The following ABCA1 variants were observed in gnomAD, a reference collection of about 807,000 sequenced individuals.
ABCA1 encodes phospholipid-transporting ATPase ABCA1.
In ABCA1, 133 loss-of-function variants were observed where a neutral mutation model predicts 262.5. That is an observed-to-expected ratio of 0.51 (90% CI 0.44 to 0.59). The LOEUF is 0.59. Among genes scored for constraint, ABCA1 ranks in the 20% least tolerant of loss-of-function variants. ABCA1 has a pLI of 0.00. For synonymous variants in ABCA1, 1,022 were observed against 1,043.5 expected (o/e 0.98, Z 0.40); for missense variants, 2,452 against 2,777.5 (o/e 0.88, Z 2.63).
At chr9:104,848,738 T>C (rs560503980) in intron 7 of ABCA1, among the ~76,000 whole-genome samples, 2 of 152,238 alleles carry the variant, frequency 1.3e-5, no homozygotes, top group Admixed American at 6.5e-5. Context: ...ACCAGCACCA[T>C]GTTCACAAAG....
chr9:104,832,434 C>G (rs1243639484), intron 12 of ABCA1, 140 bp downstream of exon 12: 7 of 912,996 alleles, frequency 7.7e-6, no homozygotes, highest in Non-Finnish European at 1.7e-6. Flanking sequence ...GTTATCAAAT[C>G]CTGTGTTAGG....
At chr9:104,870,566 T>A (rs1837511592) in intron 5 of ABCA1, among the ~76,000 whole-genome samples, 1 of 152,198 alleles carries the variant, frequency 6.6e-6, no homozygotes, top group Non-Finnish European at 1.5e-5. Context: ...TCATCACCAA[T>A]GTGACAGTAT....
In ABCA1 at chr9:104,784,265, G is replaced by A. The variant is rs1008859316; in HGVS notation, c.*50C>T. The A allele has an allele frequency of 1.1e-5, 18 of 1,611,734 alleles. No homozygotes were observed. The highest frequency in any genetic ancestry group is 1.7e-5 in the Admixed American group (1 of 59,980). ...CCACAACACTTCACATGGTGCAAAG[G>A]AAAGTCTAGTTCCTCTTTACTTTCA... On this transcript the variant is annotated 3_prime_UTR_variant, in exon 50 of 50. Coordinates refer to ENST00000374736, the MANE Select transcript of ABCA1 (RefSeq NM_005502.4).
At chr9:104,789,162 C>A (rs1264005386) in intron 44 of ABCA1, among the ~76,000 whole-genome samples, 1 of 152,210 alleles carries the variant, frequency 6.6e-6, no homozygotes, top group African/African-American at 2.4e-5. Flanking sequence ...TCATTCCTCT[C>A]TGTGTATCTA....
chr9:104,871,605 A>G (rs1481630281), intron 5 of ABCA1, among the ~76,000 whole-genome samples: 1 of 152,296 alleles, frequency 6.6e-6, no homozygotes, highest in East Asian at 1.9e-4. Context: ...ACCTGAACAG[A>G]ATGAGAAGAA....
chr9:104,836,262 A>G (rs1338482349), intron 11 of ABCA1, among the ~76,000 whole-genome samples: 1 of 152,232 alleles, frequency 6.6e-6, no homozygotes, highest in Admixed American at 6.5e-5. Flanking sequence ...ATAAGGTTCA[A>G]AACAAGAAAC....
chr9:104,838,782 G>C (rs1474065875), intron 9 of ABCA1, among the ~76,000 whole-genome samples: 1 of 151,790 alleles, frequency 6.6e-6, no homozygotes, highest in Non-Finnish European at 1.5e-5. Flanking sequence ...TAGATACCAA[G>C]TATCTTCTAT....
chr9:104,824,714 G>A lies in ABCA1; in HGVS notation c.2543-136C>T. On this transcript the variant is annotated intron_variant, in intron 17 of 49. Coordinates refer to ENST00000374736, the MANE Select transcript of ABCA1 (RefSeq NM_005502.4). Reference sequence around the variant, plus strand: ...TTGAATGGATGTGGGGAAAGAGGGAGCTAACATTTGCTGAAACCTGCTATG... The same window carrying A: ...TTGAATGGATGTGGGGAAAGAGGGAACTAACATTTGCTGAAACCTGCTATG... 1.2e-5 allele frequency: 13 copies of A among 1,084,674 alleles called. No homozygotes were observed. In the South Asian group the frequency reaches 1.6e-4, roughly 13 times the overall value. 67.2% of individuals were successfully genotyped at this position (1,084,674 alleles called of 1,614,324 possible).
At chr9:104,837,936 C>T (rs1051200394) in intron 9 of ABCA1, among the ~76,000 whole-genome samples, 1 of 152,174 alleles carries the variant, frequency 6.6e-6, no homozygotes, top group African/African-American at 2.4e-5. Flanking sequence ...GCCAGCCTCA[C>T]CATTGTTTTC....
chr9:104,829,360 T>A (rs1203798060), intron 14 of ABCA1, among the ~76,000 whole-genome samples: 1 of 152,170 alleles, frequency 6.6e-6, no homozygotes, highest in Admixed American at 6.5e-5. Flanking sequence ...CCAAATTTCT[T>A]TGGGGGCTTG....
chr9:104,795,252 GT>G (rs1829797669), intron 39 of ABCA1, among the ~76,000 whole-genome samples: 1 of 152,222 alleles, frequency 6.6e-6, no homozygotes, highest in African/African-American at 2.4e-5. Context: ...CAGGAGCATG[GT>G]GGTTGGAGGC....
intron 14 of ABCA1, among the ~76,000 whole-genome samples, chr9:104,830,096 A>G (rs1181645038): frequency 6.6e-6 from 1 of 152,196 alleles, no homozygotes; most frequent in African/African-American, 2.4e-5. Flanking sequence ...CTTAGAAGAA[A>G]TCATTACATC....
intron 8 of ABCA1, among the ~76,000 whole-genome samples, chr9:104,840,722 C>T (rs542621573): frequency 1.4e-4 from 22 of 152,286 alleles, no homozygotes; most frequent in South Asian, 6.2e-4. Flanking sequence ...GGTCCAGGGA[C>T]GAGCAGCATC....
intron 12 of ABCA1, 99 bp downstream of exon 12, chr9:104,832,475 A>G: frequency 7.8e-7 from 1 of 1,278,788 alleles, no homozygotes; most frequent in Non-Finnish European, 1.1e-6. Flanking sequence ...ATGAGACTAT[A>G]CATTATTTCT....
At chr9:104,811,014 C>T (rs1564112164) in intron 28 of ABCA1, 90 bp from the exon 29 acceptor site, 4 of 1,582,814 alleles carry the variant, frequency 2.5e-6, no homozygotes, top group Admixed American at 1.7e-5. Flanking sequence ...ACGAGTCCAG[C>T]CCACCTCCCC....
At position 104,862,684 on chromosome 9, in the gene ABCA1, C is replaced by CGGGCAGGGCAGGGCA. The variant is rs1298786032; in HGVS notation, c.422-885_422-884insTGCCCTGCCCTGCCC. On this transcript the variant is annotated intron_variant, in intron 5 of 49. Transcript: ENST00000374736. ...CGGGCCGGGCCGGGCCGGGCCGGGC[C>CGGGCAGGGCAGGGCA]GGGCCGGGCCGGGCCGGCCCCCACC... is the stretch of plus-strand genomic sequence containing the variant. 3.4e-4 allele frequency among the ~76,000 whole-genome samples: 3 copies of CGGGCAGGGCAGGGCA among 8,844 alleles called. 1 individual carries two copies. Among genetic ancestry groups the CGGGCAGGGCAGGGCA allele is most frequent in the African/African-American group, 1.4e-3 (3 of 2,140 alleles). The allele number at this position is 8,844 out of a possible 152,430, so 5.8% of individuals were successfully genotyped here. A position where few individuals can be genotyped will look rare whatever the true frequency, so the allele number is the denominator to read the frequency against.
chr9:104,806,666 G>A (rs1830794649), intron 30 of ABCA1, among the ~76,000 whole-genome samples: 1 of 152,116 alleles, frequency 6.6e-6, no homozygotes, highest in African/African-American at 2.4e-5. Flanking sequence ...AGAATGCAAA[G>A]AGGCCCTAAA....
rs922643899 is a variant in ABCA1, at chr9:104,799,577, A to G, written c.4943+242T>C. On this transcript the variant is annotated intron_variant, in intron 36 of 49. Coordinates refer to ENST00000374736, the MANE Select transcript of ABCA1 (RefSeq NM_005502.4). ...TTAACAATTTTTGAACTCACTTTAT[A>G]TGAATTCACTAAATGTTACGATTTT... 3.0e-6 allele frequency: 3 copies of G among 985,006 alleles called. No individual in the cohort carries two copies. The African/African-American group carries it at 5.2e-5, about 17-fold the overall frequency. The allele number at this position is 985,006 out of a possible 1,614,324, so 61.0% of individuals were successfully genotyped here.
intron 35 of ABCA1, among the ~76,000 whole-genome samples, 162 bp downstream of exon 35, chr9:104,800,348 T>C (rs1830223559): frequency 6.6e-6 from 1 of 152,240 alleles, no homozygotes; most frequent in Admixed American, 6.5e-5. Context: ...GCAAATTCTC[T>C]GAATCACTAC....
Sources: allele counts gnomAD v4.1 joint callset (sites outside exome capture counted in the v4.1 genomes callset), GRCh38; gene constraint gnomAD v4.1.1; transcripts MANE v1.5; gene names NCBI Gene and HGNC (gene_info 2026-07-23, HGNC 2026-07-21).